Variants in ANKRD28 observed in about 807,000 individuals in gnomAD.
ANKRD28 encodes ankyrin repeat domain 28, also known as serine/threonine-protein phosphatase 6 regulatory ankyrin repeat subunit A.
In ANKRD28, 44 loss-of-function variants were observed where a neutral mutation model predicts 126.5. That is an observed-to-expected ratio of 0.35 (90% CI 0.27 to 0.45). The LOEUF is 0.45. ANKRD28 is among the 20% of genes least tolerant of loss of function. The probability of loss-of-function intolerance (pLI) is 1.00; values close to 1 mark genes in which losing one functional copy is unlikely to be tolerated. For missense variants in ANKRD28, 1,110 were observed against 1,316.6 expected, an observed-to-expected ratio of 0.84 and a Z score of 2.43; for synonymous variants, 442 against 468.5, an observed-to-expected ratio of 0.94 and a Z score of 0.73.
intron 2 of ANKRD28, among the ~76,000 whole-genome samples, chr3:15,793,661 G>C (rs892599372): frequency 2.6e-5 from 4 of 152,090 alleles, no homozygotes; most frequent in Non-Finnish European, 4.4e-5. Flanking sequence ...GGAGTTAAAT[G>C]GAAAACATGT....
chr3:15,763,743 A>G (rs1365907966), intron 3 of ANKRD28, among the ~76,000 whole-genome samples: 5 of 152,158 alleles, frequency 3.3e-5, no homozygotes, highest in Non-Finnish European at 7.3e-5. Context: ...AAACAAAAAG[A>G]GAGTAGCAGG....
At chr3:15,792,812 A>AT (rs1426422031) in intron 2 of ANKRD28, among the ~76,000 whole-genome samples, 1 of 152,176 alleles carries the variant, frequency 6.6e-6, no homozygotes, top group Non-Finnish European at 1.5e-5. Context: ...AAAACATCCC[A>AT]TGTACCCCAT....
In ANKRD28 at chr3:15,737,309, T is replaced by C. The variant is rs1354298186; in HGVS notation, c.352-76A>G. On this transcript the variant is annotated intron_variant, in intron 4 of 27. Coordinates refer to ENST00000683139, the MANE Select transcript of ANKRD28 (RefSeq NM_001349278.2). ...ATTATTTCTATATATAGTGTGCGTG[T>C]GTGTGTATAAATATGTATCTACATA... The C allele has an allele frequency of 4.8e-6, 6 of 1,256,006 alleles. No individual in the cohort carries two copies. The Admixed American group carries it at 1.3e-4, about 27-fold the overall frequency. 77.8% of individuals were successfully genotyped at this position (1,256,006 alleles called of 1,614,324 possible). A position where few individuals can be genotyped will look rare whatever the true frequency, so the allele number is the denominator to read the frequency against.
chr3:15,826,753 T>A (rs2061075585), intron 1 of ANKRD28, among the ~76,000 whole-genome samples: 2 of 152,122 alleles, frequency 1.3e-5, no homozygotes, highest in Admixed American at 6.6e-5. Flanking sequence ...GAAGATGAAC[T>A]GAAATGGCGG....
intron 8 of ANKRD28, among the ~76,000 whole-genome samples, chr3:15,717,484 A>G (rs1258023900): frequency 1.3e-5 from 2 of 152,060 alleles, no homozygotes; most frequent in Non-Finnish European, 2.9e-5. Context: ...TCTTTTTCTT[A>G]ATCACCTCAA....
At chr3:15,689,680 T>G (rs2068562058) in intron 18 of ANKRD28, among the ~76,000 whole-genome samples, 1 of 152,158 alleles carries the variant, frequency 6.6e-6, no homozygotes, top group African/African-American at 2.4e-5. Context: ...ATAAATCTAT[T>G]TTTATTTCCT....
chr3:15,760,776 A>G (rs1426976793), intron 3 of ANKRD28, among the ~76,000 whole-genome samples: 1 of 152,224 alleles, frequency 6.6e-6, no homozygotes, highest in Admixed American at 6.5e-5. Context: ...AAAAAGTAGG[A>G]TAAACATGAC....
intron 1 of ANKRD28, among the ~76,000 whole-genome samples, chr3:15,808,236 C>T (rs60237752): frequency 0.13 from 20,267 of 152,140 alleles, 2,041 homozygotes; most frequent in East Asian, 0.56. Flanking sequence ...CAAATATCAA[C>T]GGATTTGAAG....
chr3:15,793,445 G>T (rs575020996), intron 2 of ANKRD28, among the ~76,000 whole-genome samples: 2 of 152,118 alleles, frequency 1.3e-5, no homozygotes, highest in African/African-American at 4.8e-5. Flanking sequence ...CTACTGATGA[G>T]TGAGCTGATG....
chr3:15,754,895 T>C (rs1057221944), intron 3 of ANKRD28, among the ~76,000 whole-genome samples: 5 of 152,170 alleles, frequency 3.3e-5, no homozygotes, highest in Middle Eastern at 3.4e-3. Context: ...GGCGGGCAAA[T>C]CACCTGAGGT....
At chr3:15,711,401 A>G in intron 11 of ANKRD28, 127 bp from the exon 12 acceptor site, 2 of 693,048 alleles carry the variant, frequency 2.9e-6, no homozygotes, top group South Asian at 4.2e-5. Flanking sequence ...CTTAAGTGCT[A>G]GAGTGCCTGT....
At chr3:15,728,956 T>G (rs2074383973) in intron 6 of ANKRD28, among the ~76,000 whole-genome samples, 1 of 152,218 alleles carries the variant, frequency 6.6e-6, no homozygotes, top group Admixed American at 6.5e-5. Flanking sequence ...CCATAACAGG[T>G]TGGCAAGAGG....
intron 7 of ANKRD28, among the ~76,000 whole-genome samples, chr3:15,722,279 G>C (rs778209469): frequency 2.6e-5 from 4 of 152,120 alleles, no homozygotes; most frequent in Non-Finnish European, 4.4e-5. Flanking sequence ...CCATATAATG[G>C]AGCCCCAATA....
rs754331922 is a variant in ANKRD28, at chr3:15,720,900, G to A, written c.996+15C>T. The A allele has an allele frequency of 1.2e-6, 2 of 1,609,026 alleles. No homozygotes were observed. The highest frequency in any genetic ancestry group is 2.7e-5 in the African/African-American group (2 of 74,726). On this transcript the variant is annotated intron_variant, in intron 8 of 27. Coordinates refer to ENST00000683139, the MANE Select transcript of ANKRD28 (RefSeq NM_001349278.2). ...GACATATGAAATACTTATAGATTCT[G>A]ATTTTGTTCCTTACCTTCATATTGA...
chr3:15,774,621 C>G (rs1159744344), intron 2 of ANKRD28, among the ~76,000 whole-genome samples: 2 of 152,048 alleles, frequency 1.3e-5, no homozygotes, highest in Non-Finnish European at 2.9e-5. Context: ...CTTTACAACT[C>G]AAGTTAGGGA....
chr3:15,817,178 CCT>C lies in ANKRD28; in HGVS notation c.28-21874_28-21873del, dbSNP rs1179769824. 6.6e-6 allele frequency among the ~76,000 whole-genome samples: 1 copy of C among 152,172 alleles called. No individual in the cohort carries two copies. The highest frequency in any genetic ancestry group is 2.4e-5 in the African/African-American group (1 of 41,436). ...ATCAGTATGTCCACTCTACGATTTT[CCT>C]TAACATGTAACAGTGATGAACAATT... On this transcript the variant is annotated intron_variant, in intron 1 of 27. Transcript: ENST00000399451. This position sits in a 1 kb window ranked among gnomAD's most constrained non-coding sequence, Gnocchi z 4.5.
At chr3:15,722,519 T>C (rs1159514419) in intron 7 of ANKRD28, among the ~76,000 whole-genome samples, 2 of 152,188 alleles carry the variant, frequency 1.3e-5, no homozygotes, top group Non-Finnish European at 2.9e-5. Flanking sequence ...AGTACAAAGC[T>C]TTTAATGAAT....
At chr3:15,794,693 A>C (rs1341328982) in intron 2 of ANKRD28, among the ~76,000 whole-genome samples, 1 of 152,156 alleles carries the variant, frequency 6.6e-6, no homozygotes, top group African/African-American at 2.4e-5. Context: ...TTTTCCAACA[A>C]TGACTTTACT....
rs1163439492 is a variant in ANKRD28, at chr3:15,797,263, T to A, written c.-742A>T. 1.0e-6 allele frequency: 1 copy of A among 984,384 alleles called. No individual in the cohort carries two copies. The highest frequency in any genetic ancestry group is 1.8e-5 in the African/African-American group (1 of 56,960). The allele number at this position is 984,384 out of a possible 1,614,324, so 61.0% of individuals were successfully genotyped here. A position where few individuals can be genotyped will look rare whatever the true frequency, so the allele number is the denominator to read the frequency against. On this transcript the variant is annotated 5_prime_UTR_variant, in exon 1 of 28. Coordinates refer to ENST00000683139, the MANE Select transcript of ANKRD28 (RefSeq NM_001349278.2). ...AGCAAAGCTGCAGTACGTTTACATG[T>A]GATGAGTCAGACCACAAGAGACAAT...
Sources: gnomAD v4.1 joint callset for allele counts (sites outside exome capture counted in the v4.1 genomes callset) on GRCh38, gnomAD v4.1.1 for gene constraint, Gnocchi (gnomAD v3.1) non-coding constraint, MANE v1.5 for transcripts, NCBI Gene and HGNC (gene_info 2026-07-23, HGNC 2026-07-21) for gene names.